The following ZNF479 variants were observed in gnomAD, a reference collection of about 807,000 sequenced individuals.
ZNF479 encodes zinc finger protein 479.
In ZNF479, 15 loss-of-function variants were observed where a neutral mutation model predicts 14.7. That is an observed-to-expected ratio of 1.02 (90% CI 0.68 to 1.57). The LOEUF (loss-of-function observed/expected upper bound fraction) is 1.57. ZNF479 is among the 40% of genes most tolerant of loss of function. The pLI is 0.00. For missense variants in ZNF479, 506 were observed against 615.1 expected, an observed-to-expected ratio of 0.82 and a Z score of 1.88; for synonymous variants, 145 against 211.5, an observed-to-expected ratio of 0.69 and a Z score of 2.73.
At chr7:57,124,988 T>C (rs528316028) in intron 3 of ZNF479, among the ~76,000 whole-genome samples, 2 of 152,234 alleles carry the variant, frequency 1.3e-5, no homozygotes, top group South Asian at 2.1e-4. Flanking sequence ...GGAGAATCAT[T>C]TGAATCCAGG....
chr7:57,124,292 TAGAA>T (rs1786066759), intron 3 of ZNF479, among the ~76,000 whole-genome samples: 3 of 152,070 alleles, frequency 2.0e-5, no homozygotes, highest in Non-Finnish European at 2.9e-5. Flanking sequence ...TAGAACAAAA[TAGAA>T]AGCCCAGCAA....
upstream of ZNF479, among the ~76,000 whole-genome samples, chr7:57,132,515 T>C (rs7799425): frequency 0.13 from 20,020 of 152,044 alleles, 1,403 homozygotes; most frequent in Admixed American, 0.18. Context: ...CGGCTCCTGA[T>C]TGGATAAGGT....
chr7:57,117,784 A>G lies in ZNF479; in HGVS notation c.*2056T>C, dbSNP rs1785750180. On this transcript the variant is annotated 3_prime_UTR_variant, in exon 4 of 4. Coordinates refer to ENST00000319636, the MANE Select transcript of ZNF479 (RefSeq NM_001370129.2). ...AACTGATCAAATACTTTCACAAACA[A>G]TGGGAAGAGTCAACATGACGGAATC... Among the ~76,000 whole-genome samples the G allele has an allele frequency of 6.6e-6, 1 of 152,272 alleles. No individual in the cohort carries two copies. The highest frequency in any genetic ancestry group is 1.5e-5 in the Non-Finnish European group (1 of 68,036).
chr7:57,137,157 T>C (rs1215889828), upstream of ZNF479, among the ~76,000 whole-genome samples: 1 of 152,178 alleles, frequency 6.6e-6, no homozygotes, highest in Non-Finnish European at 1.5e-5. Flanking sequence ...TGGTTAAAAG[T>C]CAGCTTAATT....
Position 57,120,890 on chromosome 7 carries a change from A to C in ZNF479, c.525T>G (p.Asp175Glu), listed in dbSNP as rs781975373. The C allele has an allele frequency of 1.9e-6, 3 of 1,613,894 alleles. No homozygotes were observed. The South Asian group carries it at 3.3e-5, about 18-fold the overall frequency. ...GTTTATTTCCAGTATATCTTGTTTT[A>C]TCTCTATTGGAATTTGAAAATTTAC... ...VFGKFSNSNR[D>E]KTRYTGNKHF... Residue 175 changes from aspartate (D) to glutamate (E), a missense_variant, in exon 4 of 4, where the codon GAT (aspartate) becomes GAG (glutamate). Physicochemically the swap from Asp to Glu is conservative, Grantham distance 45. Around this residue, in one of 3 missense-constraint regions of ZNF479, gnomAD observed 420 missense variants for 474.2 expected, o/e 0.89. Coordinates refer to ENST00000319636, the MANE Select transcript of ZNF479 (RefSeq NM_001370129.2).
In ZNF479 at chr7:57,132,397, A is replaced by G; in HGVS notation, c.-73T>C. 2 of 1,610,040 alleles carry G rather than the reference A, an allele frequency of 1.2e-6. No homozygotes were observed. The highest frequency in any genetic ancestry group is 1.7e-6 in the Non-Finnish European group (2 of 1,176,490). On this transcript the variant is annotated 5_prime_UTR_variant, in exon 1 of 4. Transcript: ENST00000319636. ...TAGGAGCAGAGGACACAGAGCAGTG[A>G]AGAGGAGAACTGCAGCTCTGGACGC... is the stretch of plus-strand genomic sequence containing the variant.
chr7:57,133,854 C>T (rs1445339878), upstream of ZNF479, among the ~76,000 whole-genome samples: 2 of 152,068 alleles, frequency 1.3e-5, no homozygotes, highest in African/African-American at 4.8e-5. Flanking sequence ...AACAGAGGGA[C>T]TCTGTCTCAA....
Position 57,119,046 on chromosome 7 carries a change from C to T in ZNF479, c.*794G>A, listed in dbSNP as rs191575658. 3.3e-5 allele frequency among the ~76,000 whole-genome samples: 5 copies of T among 152,104 alleles called. No homozygotes were observed. The highest frequency in any genetic ancestry group is 1.2e-4 in the African/African-American group (5 of 41,434). ...TTTTTTAGTGAGTAAGCATGGAGAACCAGTTAAAGGGTTTGCCACATTTTT... is the reference window on the plus strand; with the variant it reads ...TTTTTTAGTGAGTAAGCATGGAGAATCAGTTAAAGGGTTTGCCACATTTTT... On this transcript the variant is annotated 3_prime_UTR_variant, in exon 4 of 4. Transcript: ENST00000319636.
chr7:57,136,699 GTC>G (rs34154248), upstream of ZNF479, among the ~76,000 whole-genome samples: 2 of 152,190 alleles, frequency 1.3e-5, no homozygotes, highest in Non-Finnish European at 2.9e-5. Context: ...GGGCTTTGCT[GTC>G]TCACAGTGGC....
At chr7:57,132,998 T>A (rs554976897), upstream of ZNF479, among the ~76,000 whole-genome samples, 325 of 152,266 alleles carry the variant, frequency 2.1e-3, 3 homozygotes, top group African/African-American at 7.5e-3. Flanking sequence ...TAGCCTGGCG[T>A]GGCAGTGTGC....
chr7:57,128,292 A>G (rs1391054923), intron 1 of ZNF479, among the ~76,000 whole-genome samples: 5 of 152,124 alleles, frequency 3.3e-5, no homozygotes, highest in Non-Finnish European at 5.9e-5. Flanking sequence ...GGTGCAGATA[A>G]CTTCCCTGTT....
intron 1 of ZNF479, among the ~76,000 whole-genome samples, chr7:57,131,556 C>T (rs1294663241): frequency 7.3e-6 from 1 of 136,360 alleles, no homozygotes; most frequent in Non-Finnish European, 1.6e-5. Context: ...GAGCGAGACT[C>T]CCTCTCAAAA....
At chr7:57,123,106 C>T (rs1317036274) in intron 3 of ZNF479, among the ~76,000 whole-genome samples, 1 of 152,104 alleles carries the variant, frequency 6.6e-6, no homozygotes, top group Non-Finnish European at 1.5e-5. Flanking sequence ...TTTTGATTCA[C>T]AGTTCAGTAG....
Position 57,118,886 on chromosome 7 carries a change from T to C in ZNF479, c.*954A>G, listed in dbSNP as rs1785784884. ...TACCTACCATAACGTGTGACTACCA[T>C]TTAAAGTCCTTGCCACATTTAACAC... On this transcript the variant is annotated 3_prime_UTR_variant, in exon 4 of 4. Coordinates refer to ENST00000319636, the MANE Select transcript of ZNF479 (RefSeq NM_001370129.2). Among the ~76,000 whole-genome samples the C allele has an allele frequency of 1.3e-5, 2 of 152,226 alleles. No homozygotes were observed. Among genetic ancestry groups the C allele is most frequent in the Admixed American group, 6.5e-5 (1 of 15,286 alleles).
chr7:57,129,534 C>A (rs1786327787), intron 1 of ZNF479, among the ~76,000 whole-genome samples: 1 of 151,918 alleles, frequency 6.6e-6, no homozygotes, highest in Non-Finnish European at 1.5e-5. Flanking sequence ...TTTTTGTTGG[C>A]TTTTTTAAGT....
In ZNF479 at chr7:57,119,522, G is replaced by A. The variant is rs571080113; in HGVS notation, c.*318C>T. 1.3e-3 allele frequency: 325 copies of A among 255,904 alleles called. 1 individual carries two copies. Among genetic ancestry groups the A allele is most frequent in the African/African-American group, 6.9e-3 (299 of 43,522 alleles). 15.9% of individuals were successfully genotyped at this position (255,904 alleles called of 1,614,324 possible). On this transcript the variant is annotated 3_prime_UTR_variant, in exon 4 of 4. Transcript: ENST00000319636. ...CTCAGGAGGCTGAGGCAGGAGAATC[G>A]CTTGAACCCGGAAGGCAGAGGTTAC...
upstream of ZNF479, among the ~76,000 whole-genome samples, chr7:57,135,434 TAG>T (rs1786602199): frequency 6.6e-6 from 1 of 152,144 alleles, no homozygotes; most frequent in South Asian, 2.1e-4. Flanking sequence ...TGTTTTGAGA[TAG>T]AGTCTCACTC....
chr7:57,135,248 G>T (rs972850582), upstream of ZNF479, among the ~76,000 whole-genome samples: 1 of 152,092 alleles, frequency 6.6e-6, no homozygotes, highest in African/African-American at 2.4e-5. Flanking sequence ...TTAATAAAAG[G>T]CAAGAACACT....
At chr7:57,130,594 T>TAAAAAC (rs953534703) in intron 1 of ZNF479, among the ~76,000 whole-genome samples, 3 of 151,896 alleles carry the variant, frequency 2.0e-5, no homozygotes, top group African/African-American at 2.4e-5. Flanking sequence ...GAATAAAAAG[T>TAAAAAC]AAAAACAAAA....
Sources: gnomAD v4.1 joint callset for allele counts (sites outside exome capture counted in the v4.1 genomes callset) on GRCh38, gnomAD v4.1.1 for gene constraint, gnomAD v4.1.1 regional missense constraint, MANE v1.5 for transcripts, NCBI Gene and HGNC (gene_info 2026-07-23, HGNC 2026-07-21) for gene names.